TEDC2: variants seen among roughly 807,000 people sequenced by gnomAD.
The protein encoded by TEDC2 is tubulin epsilon and delta complex protein 2.
Under a neutral mutation model 48.1 loss-of-function variants are expected in TEDC2, and 49 were observed. That is an observed-to-expected ratio of 1.02 (90% CI 0.81 to 1.29). The LOEUF is 1.29. Among genes scored for constraint, TEDC2 ranks in the 50% most tolerant of loss-of-function variants. TEDC2 has a pLI of 0.00. For missense variants in TEDC2, 631 were observed against 571.4 expected, an observed-to-expected ratio of 1.10 and a Z score of -1.06; for synonymous variants, 299 against 247.1, an observed-to-expected ratio of 1.21 and a Z score of -1.97.
intron 8 of TEDC2, 121 bp downstream of exon 8, chr16:2,462,853 G>A (rs969617715): frequency 7.5e-6 from 7 of 930,594 alleles, no homozygotes; most frequent in Admixed American, 2.8e-5. Flanking sequence ...ATGCAAGTTG[G>A]TGGGCCCCTC....
In TEDC2 at chr16:2,462,543, T is replaced by A. The variant is rs773961156; in HGVS notation, c.862+17T>A. The A allele has an allele frequency of 3.2e-6, 5 of 1,586,044 alleles. No individual in the cohort carries two copies. The highest frequency in any genetic ancestry group is 4.3e-6 in the Non-Finnish European group (5 of 1,166,820). On this transcript the variant is annotated intron_variant, in intron 7 of 9. Coordinates refer to ENST00000361837, the MANE Select transcript of TEDC2 (RefSeq NM_025108.3). ...TCTCGGCAGGTCAGTGGGTCCTGGG[T>A]CTGTATCAGGAGGAGTGTGGAGGGC...
At position 2,464,145 on chromosome 16, in the gene TEDC2, C is replaced by T. The variant is rs540503679; in HGVS notation, c.1071C>T (p.Val357=). 2 of 1,612,622 alleles carry T rather than the reference C, an allele frequency of 1.2e-6. No individual in the cohort carries two copies. Among genetic ancestry groups the T allele is most frequent in the African/African-American group, 1.3e-5 (1 of 74,932 alleles). The part of the protein sequence containing the change: ...AEPAWSPQLL[V]YSSTQELQTL... ...CTGCATGGAGCCCCCAGCTGCTTGT[C>T]TACTCCAGCACCCAGGAGCTGCAGA... Residue 357 remains valine (V), a synonymous_variant, in exon 9 of 10, where the codon GTC becomes GTT. Coordinates refer to ENST00000361837, the MANE Select transcript of TEDC2 (RefSeq NM_025108.3).
rs762920414 is a variant in TEDC2 at position 2,463,993 on chromosome 16, T to C, written c.965-46T>C. 4 of 1,574,524 alleles carry C rather than the reference T, an allele frequency of 2.5e-6. No homozygotes were observed. The East Asian group carries it at 6.8e-5, about 27-fold the overall frequency. On this transcript the variant is annotated intron_variant, in intron 8 of 9. Transcript: ENST00000361837. ...CAGGCACACAGGAAAAGCGGGGCCC[T>C]GGGTTCGGCTGCTACCCCAAAGGCC... is the stretch of plus-strand genomic sequence containing the variant.
chr16:2,464,519 C>G lies in TEDC2; in HGVS notation c.1156-3C>G, dbSNP rs924374123. ...CCTTGGCCCTGCCCTGCCCTGCCCC[C>G]AGGTCCTGATGGCTGAACTCCTCCC... On this transcript the variant is annotated splice_region_variant and splice_polypyrimidine_tract_variant and intron_variant, in intron 9 of 9. Transcript: ENST00000361837. 1 of 1,562,196 alleles carries G rather than the reference C, an allele frequency of 6.4e-7. No homozygotes were observed. Among genetic ancestry groups the G allele is most frequent in the Non-Finnish European group, 8.6e-7 (1 of 1,162,270 alleles).
In TEDC2 at chr16:2,462,503, G is replaced by T. The variant is rs11552287; in HGVS notation, c.839G>T (p.Arg280Leu). The part of the protein sequence containing the change: ...LRKACSLLRL[R>L]MREELSAAPM... ...AAGGCCTGCTCGCTGCTGAGACTGC[G>T]CATGAGGGAGGAGCTCTCGGCAGGT... is the stretch of plus-strand genomic sequence containing the variant. The change falls in exon 7 of 10, where the codon CGC (arginine) becomes CTC (leucine). Residue 280 changes from arginine (R) to leucine (L), a missense_variant. Transcript: ENST00000361837. The T allele has an allele frequency of 1.2e-6, 2 of 1,605,954 alleles. No individual in the cohort carries two copies. The highest frequency in any genetic ancestry group is 1.7e-6 in the Non-Finnish European group (2 of 1,176,762).
intron 9 of TEDC2, 43 bp downstream of exon 9, chr16:2,464,272 G>A (rs760079117): frequency 1.3e-6 from 2 of 1,588,110 alleles, no homozygotes; most frequent in Non-Finnish European, 1.7e-6. Flanking sequence ...GAGGTCCGCA[G>A]CCTTGAGGAC....
Position 2,464,147 on chromosome 16 carries a change from A to G in TEDC2, c.1073A>G (p.Tyr358Cys), listed in dbSNP as rs745801135. 5.0e-5 allele frequency: 81 copies of G among 1,612,152 alleles called. No homozygotes were observed. Among genetic ancestry groups the G allele is most frequent in the Non-Finnish European group, 6.7e-5 (79 of 1,179,804 alleles). The change falls in exon 9 of 10, where the codon TAC becomes TGC. Residue 358 changes from tyrosine (Y) to cysteine (C), a missense_variant. Physicochemically the swap from Tyr to Cys is radical, Grantham distance 194 (BLOSUM62 -2). Coordinates refer to ENST00000361837, the MANE Select transcript of TEDC2 (RefSeq NM_025108.3). Reference protein sequence around the residue: ...EPAWSPQLLVYSSTQELQTLA... With the variant: ...EPAWSPQLLVCSSTQELQTLA... ...GCATGGAGCCCCCAGCTGCTTGTCT[A>G]CTCCAGCACCCAGGAGCTGCAGACC...
chr16:2,462,527 G>C lies in TEDC2; in HGVS notation c.862+1G>C. ...CGCATGAGGGAGGAGCTCTCGGCAG[G>C]TCAGTGGGTCCTGGGTCTGTATCAG... is the stretch of plus-strand genomic sequence containing the variant. On this transcript the variant is annotated splice_donor_variant, in intron 7 of 9. Coordinates refer to ENST00000361837, the MANE Select transcript of TEDC2 (RefSeq NM_025108.3). LOFTEE classifies it high-confidence loss of function. The C allele has an allele frequency of 6.3e-7, 1 of 1,594,874 alleles. No individual in the cohort carries two copies. Among genetic ancestry groups the C allele is most frequent in the Non-Finnish European group, 8.5e-7 (1 of 1,171,268 alleles).
intron 5 of TEDC2, 78 bp from the exon 6 acceptor site, chr16:2,462,071 C>T (rs1291204291): frequency 2.0e-6 from 3 of 1,508,570 alleles, no homozygotes; most frequent in Non-Finnish European, 2.7e-6. Flanking sequence ...CCTTGCCTAC[C>T]TCCCAAGGCC....
At position 2,464,595 on chromosome 16, in the gene TEDC2, G is replaced by A. The variant is rs377431462; in HGVS notation, c.1229G>A (p.Arg410Gln). 100 of 1,610,860 alleles carry A rather than the reference G, an allele frequency of 6.2e-5. No homozygotes were observed. The highest frequency in any genetic ancestry group is 9.3e-5 in the African/African-American group (7 of 75,040). Residue 410 changes from arginine (R) to glutamine (Q), a missense_variant, in exon 10 of 10, where the codon CGG becomes CAG. Transcript: ENST00000361837. The part of the protein sequence containing the change: ...PQGPPWLALC[R>Q]AVHSLLCEGG... ...GGGCCGCCCTGGCTGGCCCTGTGCC[G>A]GGCTGTGCACAGCCTGCTCTGCGAG...
Position 2,461,227 on chromosome 16 carries a change from A to G in TEDC2, c.605+3A>G. On this transcript the variant is annotated splice_donor_region_variant and intron_variant, in intron 4 of 9. Transcript: ENST00000361837. ...GCCTTCACACTCAAGGAGAAGGGGT[A>G]GGTTTCCCGGACCCTCACTGGAGGG... 4 of 1,460,498 alleles carry G rather than the reference A, an allele frequency of 2.7e-6. No individual in the cohort carries two copies. Among genetic ancestry groups the G allele is most frequent in the Non-Finnish European group, 3.6e-6 (4 of 1,104,088 alleles). 90.5% of individuals were successfully genotyped at this position (1,460,498 alleles called of 1,614,324 possible).
At position 2,461,031 on chromosome 16, in the gene TEDC2, C is replaced by T. The variant is rs750455348; in HGVS notation, c.412C>T (p.Pro138Ser). The T allele has an allele frequency of 1.2e-5, 19 of 1,612,072 alleles. No homozygotes were observed. Among genetic ancestry groups the T allele is most frequent in the Non-Finnish European group, 1.5e-5 (18 of 1,179,396 alleles). The change falls in exon 4 of 10, where the codon CCC (proline) becomes TCC (serine). Residue 138 changes from proline (P) to serine (S), a missense_variant. By Grantham distance (74) the Pro-to-Ser change is moderately conservative. Coordinates refer to ENST00000361837, the MANE Select transcript of TEDC2 (RefSeq NM_025108.3). ...QAGGHASDTR[P>S]TKGLRQTTVP... Reference sequence around the variant, plus strand: ...TGGTGGCCATGCTTCAGACACGAGACCCACCAAGGGCCTCCGCCAGACCAC... The same window carrying T: ...TGGTGGCCATGCTTCAGACACGAGATCCACCAAGGGCCTCCGCCAGACCAC...
chr16:2,462,778 G>T (rs12599759), intron 8 of TEDC2, 46 bp downstream of exon 8: 1 of 1,476,124 alleles, frequency 6.8e-7, no homozygotes, highest in Non-Finnish European at 9.0e-7. Flanking sequence ...GGTCTGGGCC[G>T]GGGACAGGGT....
intron 4 of TEDC2, 188 bp from the exon 5 acceptor site, chr16:2,461,559 G>C (rs765905904): frequency 3.1e-5 from 21 of 688,342 alleles, no homozygotes; most frequent in Non-Finnish European, 4.9e-5. Flanking sequence ...CTCTCTAATG[G>C]GGCAGCACTG....
Position 2,462,428 on chromosome 16 carries a change from A to G in TEDC2, c.764A>G (p.Gln255Arg), listed in dbSNP as rs1423835188. 2.5e-6 allele frequency: 4 copies of G among 1,611,948 alleles called. No homozygotes were observed. The highest frequency in any genetic ancestry group is 3.4e-6 in the Non-Finnish European group (4 of 1,179,816). ...ACCCATATCCAGTCAGGCGGGCCCCAGCCCAGGCTCAGTGCTGTGGAGGTG... is the reference window on the plus strand; with the variant it reads ...ACCCATATCCAGTCAGGCGGGCCCCGGCCCAGGCTCAGTGCTGTGGAGGTG... ...QNMQTASGGP[Q>R]PRLSAVEVEA... The change falls in exon 7 of 10, where the codon CAG becomes CGG. Residue 255 changes from glutamine (Q) to arginine (R), a missense_variant. Gln to Arg is a conservative substitution (Grantham distance 43). Coordinates refer to ENST00000361837, the MANE Select transcript of TEDC2 (RefSeq NM_025108.3).
At chr16:2,462,858 C>G in intron 8 of TEDC2, 126 bp downstream of exon 8, 1 of 787,362 alleles carries the variant, frequency 1.3e-6, no homozygotes, top group Non-Finnish European at 2.0e-6. Context: ...AGTTGGTGGG[C>G]CCCTCCACCC....
chr16:2,460,131 A>C lies in TEDC2; in HGVS notation c.-14A>C, dbSNP rs1182164957. 9.2e-6 allele frequency: 12 copies of C among 1,306,160 alleles called. No individual in the cohort carries two copies. The highest frequency in any genetic ancestry group is 6.3e-5 in the African/African-American group (4 of 63,212). 80.9% of individuals were successfully genotyped at this position (1,306,160 alleles called of 1,614,324 possible). ...TTCAGAGGCGGCAAATTGCAAGGAGACGCCGCCGCCTTCATGCTGCCGGCG... is the reference window on the plus strand; with the variant it reads ...TTCAGAGGCGGCAAATTGCAAGGAGCCGCCGCCGCCTTCATGCTGCCGGCG... On this transcript the variant is annotated 5_prime_UTR_variant, in exon 1 of 10. Transcript: ENST00000361837.
In TEDC2 at chr16:2,460,266, G is replaced by A; in HGVS notation, c.27-17G>A. 1 of 1,517,298 alleles carries A rather than the reference G, an allele frequency of 6.6e-7. No individual in the cohort carries two copies. The allele number at this position is 1,517,298 out of a possible 1,614,324, so 94.0% of individuals were successfully genotyped here. ...CCGACGCTGGCCGAGGTGCTGAGCCGCCGGTGCGTCCCCCAGGCTGGTGGC... is the reference window on the plus strand; with the variant it reads ...CCGACGCTGGCCGAGGTGCTGAGCCACCGGTGCGTCCCCCAGGCTGGTGGC... On this transcript the variant is annotated splice_polypyrimidine_tract_variant and intron_variant, in intron 1 of 9. Transcript: ENST00000361837.
chr16:2,460,730 C>T (rs370050268), intron 3 of TEDC2, 37 bp downstream of exon 3: 2 of 1,612,462 alleles, frequency 1.2e-6, no homozygotes, highest in East Asian at 2.2e-5. Flanking sequence ...AGGTGCTGCT[C>T]TGGCCTGTCT....
Sources: gnomAD v4.1 joint callset for allele counts on GRCh38, gnomAD v4.1.1 for gene constraint, MANE v1.5 for transcripts, NCBI Gene and HGNC (gene_info 2026-07-23, HGNC 2026-07-21) for gene names.